Variants in ZC3H4 observed in about 807,000 individuals in gnomAD.
ZC3H4 encodes zinc finger CCCH domain-containing protein 4.
A neutral mutation model predicts 108.3 loss-of-function variants in ZC3H4; 13 were observed. The observed-to-expected ratio is 0.12, with a 90% CI of 0.08 to 0.19. The LOEUF is 0.19. Ranked by LOEUF, ZC3H4 falls within the 10% of genes least tolerant of loss-of-function variation. The probability of loss-of-function intolerance (pLI) is 1.00; values close to 1 mark genes in which losing one functional copy is unlikely to be tolerated. For synonymous variants in ZC3H4, 917 were observed against 749.6 expected (o/e 1.22, Z -3.65); for missense variants, 1,734 against 1,838.8 (o/e 0.94, Z 1.04).
intron 2 of ZC3H4, among the ~76,000 whole-genome samples, chr19:47,101,192 T>TGTACA: frequency 6.6e-6 from 1 of 151,446 alleles, no homozygotes; most frequent in African/African-American, 2.4e-5. Context: ...ATACAAAACT[T>TGTACA]AGCCTGGCAG....
intron 1 of ZC3H4, among the ~76,000 whole-genome samples, chr19:47,112,993 GA>G (rs1327698326): frequency 2.6e-5 from 4 of 152,028 alleles, no homozygotes; most frequent in African/African-American, 9.7e-5. Flanking sequence ...GGGTTAAAAA[GA>G]AAAAAAGGAT....
chr19:47,101,179 T>C (rs2057899018), intron 2 of ZC3H4, among the ~76,000 whole-genome samples: 1 of 149,654 alleles, frequency 6.7e-6, no homozygotes, highest in South Asian at 2.1e-4. Context: ...ATCTCTACAA[T>C]AAATACAAAA....
In ZC3H4 at chr19:47,066,562, G is replaced by A. The variant is rs1373786809; in HGVS notation, c.3706C>T (p.Pro1236Ser). ...TGGGGTGGGGCACCCTCGGGGGGTGGGGTGGCGGTGGTGGCAGCGGGGGCT... is the reference window on the plus strand; with the variant it reads ...TGGGGTGGGGCACCCTCGGGGGGTGAGGTGGCGGTGGTGGCAGCGGGGGCT... ...AAAPAATTAT[P>S]PPEGAPPQPG... The change falls in exon 15 of 15, where the codon CCA becomes TCA. Residue 1236 changes from proline to serine, a missense_variant. Physicochemically the swap from Pro to Ser is moderately conservative, Grantham distance 74. Coordinates refer to ENST00000253048, the MANE Select transcript of ZC3H4 (RefSeq NM_015168.2). 20 of 1,579,080 alleles carry A rather than the reference G, an allele frequency of 1.3e-5. No homozygotes were observed. Among genetic ancestry groups the A allele is most frequent in the South Asian group, 2.4e-5 (2 of 84,942 alleles).
At chr19:47,078,008 C>T (rs1224860416) in intron 11 of ZC3H4, among the ~76,000 whole-genome samples, 8 of 152,096 alleles carry the variant, frequency 5.3e-5, no homozygotes, top group Admixed American at 5.2e-4. Flanking sequence ...TTACTTTTAA[C>T]GGACTCAAGT....
chr19:47,091,553 G>C (rs915604847), intron 4 of ZC3H4, among the ~76,000 whole-genome samples: 1 of 150,522 alleles, frequency 6.6e-6, no homozygotes, highest in East Asian at 2.0e-4. Context: ...CAGCCTGGGC[G>C]ACAGAGCGAG....
chr19:47,094,202 T>G (rs1258943833), intron 3 of ZC3H4, 122 bp from the exon 4 acceptor site: 35 of 1,117,124 alleles, frequency 3.1e-5, no homozygotes, highest in Non-Finnish European at 3.9e-5. Context: ...CTGAAACACC[T>G]CACCTGGGGC....
intron 11 of ZC3H4, among the ~76,000 whole-genome samples, chr19:47,075,254 C>G (rs1168336906): frequency 1.3e-5 from 2 of 152,130 alleles, no homozygotes; most frequent in Non-Finnish European, 2.9e-5. Context: ...CACAGGGGGA[C>G]CCGTGGAGGC....
chr19:47,094,634 T>C (rs2057792279), intron 2 of ZC3H4, 26 bp from the exon 3 acceptor site: 1 of 1,612,418 alleles, frequency 6.2e-7, no homozygotes, highest in Non-Finnish European at 8.5e-7. Flanking sequence ...AATCCCACCA[T>C]GAACACAGGG....
intron 11 of ZC3H4, among the ~76,000 whole-genome samples, chr19:47,080,396 T>C (rs1221005757): frequency 1.3e-5 from 2 of 152,198 alleles, no homozygotes; most frequent in Non-Finnish European, 2.9e-5. Flanking sequence ...AACTTCCCTC[T>C]ATTTTCTCTA....
intron 4 of ZC3H4, among the ~76,000 whole-genome samples, chr19:47,090,661 G>C (rs1456189441): frequency 1.3e-5 from 2 of 152,178 alleles, no homozygotes; most frequent in African/African-American, 4.8e-5. Flanking sequence ...AGAAGTTAAA[G>C]ATACTCATAA....
At position 47,085,165 on chromosome 19, in the gene ZC3H4, C is replaced by T. The variant is rs1399938357; in HGVS notation, c.998G>A (p.Arg333Gln). 1.2e-5 allele frequency: 20 copies of T among 1,613,346 alleles called. No individual in the cohort carries two copies. Among genetic ancestry groups the T allele is most frequent in the African/African-American group, 2.7e-5 (2 of 74,694 alleles). ...GLSRGRGRGS[R>Q]GRGKGMGRGR... is the part of the protein sequence containing the mutation. ...CCGACCCATTCCTTTCCCTCGACCTCGGGAGCCCCTGCCACGGCCTCGACT... is the reference window on the plus strand; with the variant it reads ...CCGACCCATTCCTTTCCCTCGACCTTGGGAGCCCCTGCCACGGCCTCGACT... The change falls in exon 8 of 15, where the codon CGA becomes CAA. Residue 333 changes from arginine (R) to glutamine (Q), a missense_variant. Around this residue, in one of 9 missense-constraint regions of ZC3H4, gnomAD observed 403 missense variants for 457.0 expected, o/e 0.88. Transcript: ENST00000253048.
intron 6 of ZC3H4, 104 bp downstream of exon 6, chr19:47,086,280 G>A (rs574442746): frequency 2.0e-5 from 27 of 1,347,482 alleles, no homozygotes; most frequent in Admixed American, 1.3e-4. Flanking sequence ...CAGAAGGGCC[G>A]TATGTCTTCC....
intron 11 of ZC3H4, among the ~76,000 whole-genome samples, chr19:47,080,620 C>T (rs1003325976): frequency 2.0e-5 from 3 of 151,806 alleles, no homozygotes; most frequent in Non-Finnish European, 1.5e-5. Flanking sequence ...CTCAGCCTCT[C>T]GAGTAGCTGG....
rs1370002729 is a variant in ZC3H4, at chr19:47,069,230, G to A, written c.2260C>T (p.Pro754Ser). 6.2e-7 allele frequency: 1 copy of A among 1,613,246 alleles called. No homozygotes were observed. The highest frequency in any genetic ancestry group is 8.5e-7 in the Non-Finnish European group (1 of 1,179,946). The change falls in exon 14 of 15, where the codon CCA becomes TCA. Residue 754 changes from proline (P) to serine (S), a missense_variant. By Grantham distance (74) the Pro-to-Ser change is moderately conservative. Coordinates refer to ENST00000253048, the MANE Select transcript of ZC3H4 (RefSeq NM_015168.2). Reference sequence around the variant, plus strand: ...AGGAAGTCAGGGACACCGGCGCCTGGCTTCGGCCGGCCTGGGGGCCCTCCC... The same window carrying A: ...AGGAAGTCAGGGACACCGGCGCCTGACTTCGGCCGGCCTGGGGGCCCTCCC... ...SEGGPPGRPK[P>S]GAGVPDFLPS... is the part of the protein sequence containing the mutation.
At chr19:47,097,982 G>T (rs2057849857) in intron 2 of ZC3H4, among the ~76,000 whole-genome samples, 1 of 152,218 alleles carries the variant, frequency 6.6e-6, no homozygotes, top group African/African-American at 2.4e-5. Context: ...CCCCCATGAG[G>T]AAATGGGAAG....
rs759449118 is a variant in ZC3H4 at position 47,094,057 on chromosome 19, G to T, written c.405C>A (p.Asp135Glu). Reference sequence around the variant, plus strand: ...CCGAGTCATCTGAGAAGTCAGAGAAGTCATCGCTAGAAGAAGCATGGCGCT... The same window carrying T: ...CCGAGTCATCTGAGAAGTCAGAGAATTCATCGCTAGAAGAAGCATGGCGCT... ...KHKRHASSSD[D>E]FSDFSDDSDF... is the part of the protein sequence containing the mutation. Residue 135 changes from aspartate to glutamate, a missense_variant, in exon 4 of 15, where the codon GAC becomes GAA. Physicochemically the swap from Asp to Glu is conservative, Grantham distance 45. Transcript: ENST00000253048. 6 of 1,614,086 alleles carry T rather than the reference G, an allele frequency of 3.7e-6. 1 individual carries two copies. Among genetic ancestry groups the T allele is most frequent in the South Asian group, 2.2e-5 (2 of 91,090 alleles).
rs375468361 is a variant in ZC3H4 at position 47,067,161 on chromosome 19, T to C, written c.3107A>G (p.Gln1036Arg). Residue 1036 changes from glutamine to arginine, a missense_variant, in exon 15 of 15, where the codon CAG becomes CGG. Coordinates refer to ENST00000253048, the MANE Select transcript of ZC3H4 (RefSeq NM_015168.2). The surrounding 1 kb of genome is among the most constrained non-coding windows in gnomAD (Gnocchi z 6.4). Reference protein sequence around the residue: ...RPGASTDSSTQGANLPDFELL... With the variant: ...RPGASTDSSTRGANLPDFELL... ...TTCAAAGTCGGGGAGGTTGGCGCCC[T>C]GTGTGCTGGAATCCGTGGAGGCGCC... 4 of 1,611,696 alleles carry C rather than the reference T, an allele frequency of 2.5e-6. No individual in the cohort carries two copies. The highest frequency in any genetic ancestry group is 2.5e-6 in the Non-Finnish European group (3 of 1,178,836).
rs537065225 is a variant in ZC3H4, at chr19:47,066,110, C to T, written c.*246G>A. 11 of 366,344 alleles carry T rather than the reference C, an allele frequency of 3.0e-5. No homozygotes were observed. Among genetic ancestry groups the T allele is most frequent in the South Asian group, 2.0e-4 (2 of 10,152 alleles). The allele number at this position is 366,344 out of a possible 1,614,324, so 22.7% of individuals were successfully genotyped here. On this transcript the variant is annotated 3_prime_UTR_variant, in exon 15 of 15. Transcript: ENST00000253048. ...AGTTCACAGGTTTGCGGGCATGAGT[C>T]GGTTTGCTCAGCAGGAGCCCCTGAG...
At chr19:47,091,065 G>C (rs1452653034) in intron 4 of ZC3H4, among the ~76,000 whole-genome samples, 1 of 151,978 alleles carries the variant, frequency 6.6e-6, no homozygotes, top group Non-Finnish European at 1.5e-5. Flanking sequence ...AGGAGATGCA[G>C]ACGCGAAATG....
Sources: gnomAD v4.1 joint callset for allele counts (sites outside exome capture counted in the v4.1 genomes callset) on GRCh38, gnomAD v4.1.1 for gene constraint, gnomAD v4.1.1 regional missense constraint, Gnocchi (gnomAD v3.1) non-coding constraint, MANE v1.5 for transcripts, NCBI Gene and HGNC (gene_info 2026-07-23, HGNC 2026-07-21) for gene names.